The following ATXN2 variants were observed in gnomAD, a reference collection of about 807,000 sequenced individuals.
ATXN2 encodes ataxin-2.
A neutral mutation model predicts 138.6 loss-of-function variants in ATXN2; 37 were observed. The ratio of observed to expected loss-of-function variants is 0.27; its 90% CI spans 0.21 to 0.35. ATXN2 has a LOEUF of 0.35. Ranked by LOEUF, ATXN2 falls within the 10% of genes least tolerant of loss-of-function variation. The pLI is 1.00. For missense variants in ATXN2, 1,216 were observed against 1,480.3 expected (o/e 0.82, Z 2.93); for synonymous variants, 549 against 543.7 (o/e 1.01, Z -0.13).
chr12:111,567,188 G>T (rs1308166166), intron 1 of ATXN2, among the ~76,000 whole-genome samples: 1 of 152,158 alleles, frequency 6.6e-6, no homozygotes, highest in African/African-American at 2.4e-5. Context: ...CTGTTGAAAT[G>T]ACAACAAAAG....
chr12:111,599,117 G>A lies in ATXN2; in HGVS notation c.-83C>T. 1 of 1,256,788 alleles carries A rather than the reference G, an allele frequency of 8.0e-7. No individual in the cohort carries two copies. Among genetic ancestry groups the A allele is most frequent in the Non-Finnish European group, 1.0e-6 (1 of 1,003,138 alleles). 77.9% of individuals were successfully genotyped at this position (1,256,788 alleles called of 1,614,324 possible). A position where few individuals can be genotyped will look rare whatever the true frequency, so the allele number is the denominator to read the frequency against. On this transcript the variant is annotated 5_prime_UTR_variant, in exon 1 of 25. Coordinates refer to ENST00000673436, the MANE Select transcript of ATXN2 (RefSeq NM_001372574.1). Reference sequence around the variant, plus strand: ...CGCCAAGGAGACGCCGGAACGCGGCGGGGACGCGCGGGCGCCGAGCGGGGA... The same window carrying A: ...CGCCAAGGAGACGCCGGAACGCGGCAGGGACGCGCGGGCGCCGAGCGGGGA...
chr12:111,592,782 CA>C lies in ATXN2; in HGVS notation c.251+6001del, dbSNP rs71083183. ...TGGGCGACAGAGCAAGACTCCGTCT[CA>C]AAAAAAAAAAAAAAAAAAAAAGATA... On this transcript the variant is annotated intron_variant, in intron 1 of 24. Coordinates refer to ENST00000673436, the MANE Select transcript of ATXN2 (RefSeq NM_001372574.1). Among the ~76,000 whole-genome samples, 179 of 26,020 alleles carry C rather than the reference CA, an allele frequency of 6.9e-3. 2 individuals carry two copies. The highest frequency in any genetic ancestry group is 0.013 in the African/African-American group (118 of 9,356). The allele number at this position is 26,020 out of a possible 152,430, so 17.1% of individuals were successfully genotyped here.
At chr12:111,525,706 A>C (rs1196204790) in intron 5 of ATXN2, among the ~76,000 whole-genome samples, 1 of 144,862 alleles carries the variant, frequency 6.9e-6, no homozygotes, top group Non-Finnish European at 1.5e-5. Flanking sequence ...TTTTTTTGAG[A>C]TAGAGTCTCG....
At chr12:111,540,434 C>T (rs1469451625) in intron 5 of ATXN2, among the ~76,000 whole-genome samples, 1 of 150,596 alleles carries the variant, frequency 6.6e-6, no homozygotes, top group Non-Finnish European at 1.5e-5. Flanking sequence ...TTTTGCAACT[C>T]CCTCAGTACC....
At chr12:111,528,188 C>G (rs1229424501) in intron 5 of ATXN2, among the ~76,000 whole-genome samples, 3 of 152,110 alleles carry the variant, frequency 2.0e-5, no homozygotes, top group African/African-American at 7.2e-5. Flanking sequence ...AAACAATACT[C>G]TTTTGATTCA....
chr12:111,467,211 T>C (rs984757825), intron 20 of ATXN2, among the ~76,000 whole-genome samples: 1 of 150,972 alleles, frequency 6.6e-6, no homozygotes, highest in African/African-American at 2.4e-5. Flanking sequence ...GGTGCCATGA[T>C]AGCTCACTGT....
At chr12:111,497,073 C>T (rs1315660823) in intron 14 of ATXN2, among the ~76,000 whole-genome samples, 1 of 152,112 alleles carries the variant, frequency 6.6e-6, no homozygotes, top group Non-Finnish European at 1.5e-5. Context: ...TTAGAGACTA[C>T]TATGAGCATC....
chr12:111,483,667 C>A (rs1478117844), intron 18 of ATXN2, among the ~76,000 whole-genome samples: 4 of 151,726 alleles, frequency 2.6e-5, no homozygotes, highest in Non-Finnish European at 4.4e-5. Context: ...AAAAGATTTC[C>A]TTTTAAGAAA....
intron 20 of ATXN2, chr12:111,469,053 A>G (rs549089692): frequency 2.0e-4 from 31 of 152,286 alleles, no homozygotes; most frequent in African/African-American, 7.0e-4. Flanking sequence ...CAGGACATCT[A>G]AACTTAAAAA....
rs190609759 is a variant in ATXN2 at position 111,497,912 on chromosome 12, A to G, written c.1936-9132T>C. Among the ~76,000 whole-genome samples, 447 of 152,178 alleles carry G rather than the reference A, an allele frequency of 2.9e-3. 1 individual carries two copies. The highest frequency in any genetic ancestry group is 0.01 in the African/African-American group (427 of 41,522). On this transcript the variant is annotated intron_variant, in intron 14 of 24. Coordinates refer to ENST00000673436, the MANE Select transcript of ATXN2 (RefSeq NM_001372574.1). ...ACACCTGTAGTCCCAGCTACTCGGG[A>G]GGCTGAGGCAGGAGAACGGCATGAA...
intron 1 of ATXN2, among the ~76,000 whole-genome samples, chr12:111,559,182 G>C (rs1336938587): frequency 6.6e-6 from 1 of 150,836 alleles, no homozygotes; most frequent in Admixed American, 6.6e-5. Flanking sequence ...CGCCAGGCTG[G>C]AGTGCAGTGG....
In ATXN2 at chr12:111,598,967, TGCTGC is replaced by T; in HGVS notation, c.63_67del (p.Gln22AlafsTer66). 1 of 1,503,418 alleles carries T rather than the reference TGCTGC, an allele frequency of 6.7e-7. No homozygotes were observed. The highest frequency in any genetic ancestry group is 1.5e-5 in the African/African-American group (1 of 68,298). The allele number at this position is 1,503,418 out of a possible 1,614,324, so 93.1% of individuals were successfully genotyped here. A position where few individuals can be genotyped will look rare whatever the true frequency, so the allele number is the denominator to read the frequency against. ...GGGCGGCGGCTGCTGCTGCTGCTGC[TGCTGC>T]TGCTGTTGCTGCTGCTGCTGCTGCT... On this transcript the variant is annotated frameshift_variant, in exon 1 of 25. Transcript: ENST00000673436. LOFTEE classifies it high-confidence loss of function. This position sits in a 1 kb window ranked among gnomAD's most constrained non-coding sequence, Gnocchi z 4.5.
In ATXN2 at chr12:111,457,307, G is replaced by A; in HGVS notation, c.2949C>T (p.His983=). Residue 983 remains histidine (H), a synonymous_variant, in exon 22 of 25, where the codon CAC becomes CAT. Transcript: ENST00000673436. The part of the protein sequence containing the change: ...QQYAHPNATL[H]PHTPHPQPSA... ...AAGGCTGAGGGTGTGGAGTATGTGGGTGCAGGGTAGCGTTAGGGTGCGCAT... is the reference window on the plus strand; with the variant it reads ...AAGGCTGAGGGTGTGGAGTATGTGGATGCAGGGTAGCGTTAGGGTGCGCAT... 1 of 1,614,118 alleles carries A rather than the reference G, an allele frequency of 6.2e-7. No individual in the cohort carries two copies. Among genetic ancestry groups the A allele is most frequent in the Non-Finnish European group, 8.5e-7 (1 of 1,180,020 alleles).
intron 1 of ATXN2, among the ~76,000 whole-genome samples, chr12:111,565,665 G>A (rs1040769569): frequency 3.3e-5 from 5 of 151,852 alleles, no homozygotes; most frequent in African/African-American, 1.2e-4. Flanking sequence ...CTTTCTCCTC[G>A]TGCCTCTCTA....
chr12:111,513,628 C>A, intron 10 of ATXN2, 89 bp from the exon 11 acceptor site: 1 of 1,068,166 alleles, frequency 9.4e-7, no homozygotes, highest in East Asian at 3.0e-5. Flanking sequence ...CACACACATG[C>A]ACACACACTC....
upstream of ATXN2, chr12:111,599,322 AGGGAGGGGGGCCGGGGCCGGGCGG>A: frequency 2.9e-6 from 1 of 350,344 alleles, no homozygotes; most frequent in Non-Finnish European, 3.2e-6. Context: ...CTCTGCCGGG[AGGGAGGGGGGCCGGGGCCGGGCGG>A]GGGAGGGGCG....
chr12:111,529,113 C>T (rs1433451944), intron 5 of ATXN2, among the ~76,000 whole-genome samples: 1 of 151,806 alleles, frequency 6.6e-6, no homozygotes, highest in Non-Finnish European at 1.5e-5. Flanking sequence ...AGCCACTATG[C>T]CCAGCAAGTC....
At position 111,516,881 on chromosome 12, in the gene ATXN2, C is replaced by T. The variant is rs1879888595; in HGVS notation, c.1166-518G>A. ...TTTTCATCAGGTTTACACTTGAACC[C>T]AGAACTCAGTTTGGAATCTTATTAA... On this transcript the variant is annotated intron_variant, in intron 9 of 24. Coordinates refer to ENST00000673436, the MANE Select transcript of ATXN2 (RefSeq NM_001372574.1). The surrounding 1 kb of genome is among the most constrained non-coding windows in gnomAD (Gnocchi z 5.0). 6.6e-6 allele frequency among the ~76,000 whole-genome samples: 1 copy of T among 152,058 alleles called. No homozygotes were observed.
At chr12:111,581,731 C>A in intron 1 of ATXN2, 1 of 644,646 alleles carries the variant, frequency 1.6e-6, no homozygotes, top group Non-Finnish European at 2.9e-6. Context: ...TCATTACGAC[C>A]ATTCTGCTCA....
Sources: gnomAD v4.1 joint callset for allele counts (sites outside exome capture counted in the v4.1 genomes callset) on GRCh38, gnomAD v4.1.1 for gene constraint, Gnocchi (gnomAD v3.1) non-coding constraint, MANE v1.5 for transcripts, NCBI Gene and HGNC (gene_info 2026-07-23, HGNC 2026-07-21) for gene names.